The following SLC25A37 variants were observed in gnomAD, a reference collection of about 807,000 sequenced individuals.
SLC25A37 encodes the protein solute carrier family 25 member 37.
Under a neutral mutation model 31.0 loss-of-function variants are expected in SLC25A37, and 17 were observed. The observed-to-expected ratio is 0.55, with a 90% CI of 0.38 to 0.82. SLC25A37 has a LOEUF of 0.82. SLC25A37 is among the 40% of genes least tolerant of loss of function. The probability of loss-of-function intolerance (pLI) is 0.00; values close to 1 mark genes in which losing one functional copy is unlikely to be tolerated. For missense variants in SLC25A37, 404 were observed against 465.8 expected, an observed-to-expected ratio of 0.87 and a Z score of 1.22; for synonymous variants, 222 against 193.0, an observed-to-expected ratio of 1.15 and a Z score of -1.24.
At chr8:23,568,190 C>T (rs373693729) in intron 2 of SLC25A37, 132 bp from the exon 3 acceptor site, 28 of 883,984 alleles carry the variant, frequency 3.2e-5, no homozygotes, top group East Asian at 1.2e-4. Flanking sequence ...AGTCAGTGCT[C>T]ACCTGGGCGG....
chr8:23,543,570 C>G (rs1053034845), intron 1 of SLC25A37, among the ~76,000 whole-genome samples: 1 of 152,098 alleles, frequency 6.6e-6, no homozygotes, highest in African/African-American at 2.4e-5. Flanking sequence ...CACAGGTGTA[C>G]CATTAAAAAA....
intron 1 of SLC25A37, among the ~76,000 whole-genome samples, chr8:23,540,351 A>C (rs1463608653): frequency 6.6e-6 from 1 of 152,170 alleles, no homozygotes; most frequent in African/African-American, 2.4e-5. Flanking sequence ...TGGATTCTAG[A>C]ATATGAGAAA....
chr8:23,556,169 C>T (rs923544763), intron 1 of SLC25A37, among the ~76,000 whole-genome samples: 3 of 151,858 alleles, frequency 2.0e-5, no homozygotes, highest in African/African-American at 7.3e-5. Flanking sequence ...GAAGTGGGGG[C>T]AATGACTACT....
In SLC25A37 at chr8:23,571,643, G is replaced by T; in HGVS notation, c.805G>T (p.Ala269Ser). Residue 269 changes from alanine (A) to serine (S), a missense_variant, in exon 4 of 4, where the codon GCC (alanine) becomes TCC (serine). This residue lies in a region of SLC25A37 where 243 missense variants were observed against 284.4 expected (regional missense o/e 0.85). Transcript: ENST00000519973. ...CCTTCTGAACACTCAGGAGAACGTG[G>T]CCCTCTCGCTGGCCAACATCAGCGG... ...KTLLNTQENV[A>S]LSLANISGRL... 1 of 1,613,888 alleles carries T rather than the reference G, an allele frequency of 6.2e-7. No homozygotes were observed. Among genetic ancestry groups the T allele is most frequent in the South Asian group, 1.1e-5 (1 of 91,076 alleles).
intron 1 of SLC25A37, chr8:23,543,284 C>G (rs1278700296): frequency 6.6e-6 from 1 of 152,114 alleles, no homozygotes; most frequent in Non-Finnish European, 1.5e-5. Flanking sequence ...CAGGTGGTCT[C>G]AAGCTCTTGG....
intron 1 of SLC25A37, among the ~76,000 whole-genome samples, chr8:23,534,251 C>A (rs1801719618): frequency 6.6e-6 from 1 of 152,170 alleles, no homozygotes; most frequent in Non-Finnish European, 1.5e-5. Flanking sequence ...CCATGCCCAG[C>A]CTCTTTCTTT....
At chr8:23,530,920 C>G (rs1801649540) in intron 1 of SLC25A37, among the ~76,000 whole-genome samples, 1 of 152,184 alleles carries the variant, frequency 6.6e-6, no homozygotes, top group African/African-American at 2.4e-5. Context: ...ATTGTGTGAT[C>G]TGTGTTTAGT....
intron 1 of SLC25A37, among the ~76,000 whole-genome samples, chr8:23,533,420 T>A (rs1752031634): frequency 6.6e-6 from 1 of 152,204 alleles, no homozygotes. Flanking sequence ...GCGTGTCACC[T>A]GGAAGGGAGG....
At chr8:23,542,715 A>C (rs1190279094) in intron 1 of SLC25A37, among the ~76,000 whole-genome samples, 3 of 137,546 alleles carry the variant, frequency 2.2e-5, no homozygotes, top group Non-Finnish European at 3.0e-5. Flanking sequence ...ATTGTAAAAG[A>C]GCCTCAGGCA....
Position 23,566,309 on chromosome 8 carries a change from C to T in SLC25A37, c.412C>T (p.His138Tyr), listed in dbSNP as rs1336021763. ...AAGGACTTTAAATGACGTTTTCCAC[C>T]ACCAAGGAAACAGCCACCTAGCCAA... ...MKRTLNDVFH[H>Y]QGNSHLANGI... is the part of the protein sequence containing the mutation. Residue 138 changes from histidine (H) to tyrosine (Y), a missense_variant, in exon 2 of 4, where the codon CAC (histidine) becomes TAC (tyrosine). His to Tyr is a moderately conservative substitution (Grantham distance 83). Coordinates refer to ENST00000519973, the MANE Select transcript of SLC25A37 (RefSeq NM_016612.4). The T allele has an allele frequency of 3.1e-6, 5 of 1,592,360 alleles. No individual in the cohort carries two copies. In the African/African-American group the frequency reaches 4.1e-5, roughly 13 times the overall value.
intron 1 of SLC25A37, among the ~76,000 whole-genome samples, chr8:23,547,918 C>G (rs550341777): frequency 5.9e-5 from 9 of 152,308 alleles, no homozygotes; most frequent in Non-Finnish European, 1.2e-4. Flanking sequence ...TCTCTGACTC[C>G]TTCCTGCCAG....
Position 23,557,542 on chromosome 8 carries a change from C to T in SLC25A37, c.211-8566C>T, listed in dbSNP as rs541111979. Reference sequence around the variant, plus strand: ...CGTGGAGTTTCAGTGAGGGAGGGCTCTGCAGGAACCAGCTCCTTGGTCTGA... The same window carrying T: ...CGTGGAGTTTCAGTGAGGGAGGGCTTTGCAGGAACCAGCTCCTTGGTCTGA... On this transcript the variant is annotated intron_variant, in intron 1 of 3. Coordinates refer to ENST00000519973, the MANE Select transcript of SLC25A37 (RefSeq NM_016612.4). Among the ~76,000 whole-genome samples, 14 of 152,218 alleles carry T rather than the reference C, an allele frequency of 9.2e-5. No individual in the cohort carries two copies. The South Asian group carries it at 2.5e-3, about 27-fold the overall frequency.
intron 2 of SLC25A37, chr8:23,566,579 G>A: frequency 7.9e-7 from 1 of 1,270,046 alleles, no homozygotes; most frequent in Non-Finnish European, 9.9e-7. Context: ...AGTGACAGAG[G>A]TGTTTTGGTT....
chr8:23,558,755 A>C (rs1304436694), intron 1 of SLC25A37, among the ~76,000 whole-genome samples: 2 of 152,128 alleles, frequency 1.3e-5, no homozygotes, highest in Admixed American at 1.3e-4. Flanking sequence ...TGGGAGTGGC[A>C]GTGTCAGGCC....
Position 23,568,359 on chromosome 8 carries a change from G to A in SLC25A37, c.477G>A (p.Ala159=), listed in dbSNP as rs1802723920. ...AGSMATLLHD[A]VMNPAEVVKQ... is the part of the protein sequence containing the mutation. The stretch of plus-strand genomic sequence containing the variant: ...GTATGGCCACCCTGCTCCACGATGC[G>A]GTAATGAATCCAGCAGAAGGTAATG... Residue 159 remains alanine, a synonymous_variant, in exon 3 of 4, where the codon GCG becomes GCA. Coordinates refer to ENST00000519973, the MANE Select transcript of SLC25A37 (RefSeq NM_016612.4). The A allele has an allele frequency of 1.2e-6, 2 of 1,613,862 alleles. No individual in the cohort carries two copies. The highest frequency in any genetic ancestry group is 2.2e-5 in the East Asian group (1 of 44,866).
At chr8:23,569,616 C>T (rs1802767617) in intron 3 of SLC25A37, among the ~76,000 whole-genome samples, 1 of 152,230 alleles carries the variant, frequency 6.6e-6, no homozygotes, top group Non-Finnish European at 1.5e-5. Context: ...CATCACTGTT[C>T]TTCAGAAATT....
chr8:23,547,337 A>G (rs1363749031), intron 1 of SLC25A37, among the ~76,000 whole-genome samples: 1 of 152,184 alleles, frequency 6.6e-6, no homozygotes, highest in Non-Finnish European at 1.5e-5. Context: ...GCGAAAGCAG[A>G]TCTTTCTGTA....
intron 1 of SLC25A37, among the ~76,000 whole-genome samples, chr8:23,552,845 G>T (rs1013018957): frequency 6.6e-6 from 1 of 152,232 alleles, no homozygotes; most frequent in African/African-American, 2.4e-5. Context: ...GCAGAACAAA[G>T]TTGGGGAGGT....
intron 1 of SLC25A37, among the ~76,000 whole-genome samples, chr8:23,546,528 GGTGTATATATATATATATATATATA>G (rs746945467): frequency 0.44 from 34,310 of 77,862 alleles, 5,609 homozygotes; most frequent in Middle Eastern, 0.54. Context: ...TATATATATA[GGTGTATATATATATATATATATATA>G]GTGTATATAT....
Sources: gnomAD v4.1 joint callset for allele counts (sites outside exome capture counted in the v4.1 genomes callset) on GRCh38, gnomAD v4.1.1 for gene constraint, gnomAD v4.1.1 regional missense constraint, MANE v1.5 for transcripts, NCBI Gene and HGNC (gene_info 2026-07-23, HGNC 2026-07-21) for gene names.